Variants in MMRN1 observed in about 807,000 individuals in gnomAD.
MMRN1 encodes multimerin-1.
MMRN1 carries 94 observed loss-of-function variants against 100.7 expected under a neutral mutation model. The observed-to-expected ratio is 0.93, with a 90% CI of 0.79 to 1.11. The LOEUF (loss-of-function observed/expected upper bound fraction) is 1.11. Among genes scored for constraint, MMRN1 ranks in the 50% least tolerant of loss-of-function variants. MMRN1 has a pLI of 0.00. For missense variants in MMRN1, 1,606 were observed against 1,439.1 expected, an observed-to-expected ratio of 1.12 and a Z score of -1.88; for synonymous variants, 575 against 505.0, an observed-to-expected ratio of 1.14 and a Z score of -1.86.
chr4:89,930,767 A>ATCGAATT (rs1714263605), intron 5 of MMRN1, among the ~76,000 whole-genome samples: 1 of 152,046 alleles, frequency 6.6e-6, no homozygotes, highest in South Asian at 2.1e-4. Context: ...AAGACCAGAA[A>ATCGAATT]TCGAATTTTC....
upstream of MMRN1, among the ~76,000 whole-genome samples, chr4:89,891,070 G>A (rs1190844427): frequency 4.0e-5 from 6 of 151,666 alleles, no homozygotes; most frequent in African/African-American, 1.5e-4. Context: ...CCCAGTCTTT[G>A]GTTTATTATT....
upstream of MMRN1, among the ~76,000 whole-genome samples, chr4:89,892,754 T>C (rs968178081): frequency 6.6e-6 from 1 of 152,026 alleles, no homozygotes; most frequent in Non-Finnish European, 1.5e-5. Flanking sequence ...CTTAGCTTTG[T>C]TCAGTTTTTA....
chr4:89,929,666 A>G (rs1722375677), intron 5 of MMRN1, among the ~76,000 whole-genome samples: 1 of 152,076 alleles, frequency 6.6e-6, no homozygotes, highest in African/African-American at 2.4e-5. Flanking sequence ...AAAATCACAC[A>G]CTCACAGCAA....
intron 1 of MMRN1, among the ~76,000 whole-genome samples, chr4:89,905,709 A>G (rs888132437): frequency 6.6e-5 from 10 of 151,498 alleles, no homozygotes; most frequent in African/African-American, 2.4e-4. Context: ...ATGATGGGAA[A>G]CAAAGGTCAT....
At chr4:89,928,095 T>G (rs987620657) in intron 5 of MMRN1, 127 bp downstream of exon 5, 1 of 656,702 alleles carries the variant, frequency 1.5e-6, no homozygotes, top group East Asian at 3.1e-5. Context: ...AGAAAGATTT[T>G]TTTTAATGAG....
chr4:89,911,884 C>A, intron 2 of MMRN1, 60 bp from the exon 3 acceptor site: 2 of 1,160,908 alleles, frequency 1.7e-6, no homozygotes, highest in South Asian at 1.4e-5. Flanking sequence ...TTTATTATTC[C>A]GGCTGATAAT....
In MMRN1 at chr4:89,895,474, T is replaced by A; in HGVS notation, c.503T>A (p.Val168Asp). Residue 168 changes from valine to aspartate, a missense_variant, in exon 1 of 8, where the codon GTT becomes GAT. Val to Asp is a radical substitution (Grantham distance 152). Transcript: ENST00000264790. Reference sequence around the variant, plus strand: ...GGAGGCACTGGAGGCATTGGAGGCGTTGGAGGCACTGGAGGCGTGGGAAAT... The same window carrying A: ...GGAGGCACTGGAGGCATTGGAGGCGATGGAGGCACTGGAGGCGTGGGAAAT... ...TVGGTGGIGG[V>D]GGTGGVGNRA... The A allele has an allele frequency of 6.2e-7, 1 of 1,613,770 alleles. No individual in the cohort carries two copies. Among genetic ancestry groups the A allele is most frequent in the Non-Finnish European group, 8.5e-7 (1 of 1,179,898 alleles).
chr4:89,881,931 A>T (rs533747228), intron 1 of MMRN1, among the ~76,000 whole-genome samples: 2 of 152,092 alleles, frequency 1.3e-5, no homozygotes, highest in East Asian at 3.9e-4. Context: ...TTTCACTTTG[A>T]TCATAACACT....
chr4:89,936,673 T>A lies in MMRN1; in HGVS notation c.2993T>A (p.Val998Asp). ...TTGCCTGGTAGTCTGGCAAATGTTG[T>A]CAAGTCTCAGAAGCAAGTAAAATCA... ...RSLPGSLANV[V>D]KSQKQVKSLP... The change falls in exon 6 of 8, where the codon GTC becomes GAC. Residue 998 changes from valine to aspartate, a missense_variant. Coordinates refer to ENST00000264790, the MANE Select transcript of MMRN1 (RefSeq NM_007351.3). 1 of 1,613,590 alleles carries A rather than the reference T, an allele frequency of 6.2e-7. No homozygotes were observed. Among genetic ancestry groups the A allele is most frequent in the Non-Finnish European group, 8.5e-7 (1 of 1,179,662 alleles).
At chr4:89,944,771 G>C (rs1722936086) in intron 6 of MMRN1, among the ~76,000 whole-genome samples, 1 of 152,140 alleles carries the variant, frequency 6.6e-6, no homozygotes, top group Non-Finnish European at 1.5e-5. Flanking sequence ...AGACAACAAA[G>C]AAGGTGGGAT....
intron 3 of MMRN1, among the ~76,000 whole-genome samples, chr4:89,919,543 C>A (rs539386323): frequency 2.6e-5 from 4 of 151,392 alleles, no homozygotes; most frequent in Non-Finnish European, 5.9e-5. Flanking sequence ...ATTTTCATTC[C>A]AGAAATGTAA....
At chr4:89,892,393 G>C (rs990976253), upstream of MMRN1, among the ~76,000 whole-genome samples, 3 of 151,220 alleles carry the variant, frequency 2.0e-5, no homozygotes, top group African/African-American at 4.9e-5. Context: ...TAGTATAATA[G>C]TATCTAGAAG....
chr4:89,894,117 T>C (rs1180543765), upstream of MMRN1, among the ~76,000 whole-genome samples: 3 of 152,132 alleles, frequency 2.0e-5, no homozygotes, highest in African/African-American at 7.2e-5. Flanking sequence ...AGTAAAATAT[T>C]GGTTACCCCC....
chr4:89,952,441 T>C (rs1723209480), intron 7 of MMRN1, among the ~76,000 whole-genome samples: 1 of 152,322 alleles, frequency 6.6e-6, no homozygotes, highest in Admixed American at 6.5e-5. Context: ...GAAATGTAAA[T>C]TTTTTAGTCT....
intron 6 of MMRN1, among the ~76,000 whole-genome samples, chr4:89,945,525 T>C (rs565295731): frequency 7.2e-5 from 11 of 152,256 alleles, no homozygotes; most frequent in African/African-American, 2.6e-4. Flanking sequence ...AGTAGGTACA[T>C]AGTTATATCT....
chr4:89,931,778 C>T (rs1261540244), intron 5 of MMRN1, among the ~76,000 whole-genome samples: 2 of 152,136 alleles, frequency 1.3e-5, no homozygotes, highest in Non-Finnish European at 2.9e-5. Flanking sequence ...AAAAATCCCT[C>T]CCCATGATTC....
rs550388716 is a variant in MMRN1 at position 89,950,349 on chromosome 4, T to C, written c.3119-1256T>C. On this transcript the variant is annotated intron_variant, in intron 6 of 7. Transcript: ENST00000264790. ...TGGACAAGTATGTCTGGAGTATATA[T>C]ATACTGCCAGAAGAAATGTTTGGCT... is the stretch of plus-strand genomic sequence containing the variant. Among the ~76,000 whole-genome samples the C allele has an allele frequency of 5.3e-5, 8 of 152,284 alleles. No individual in the cohort carries two copies. The East Asian group carries it at 1.5e-3, about 29-fold the overall frequency.
intron 1 of MMRN1, among the ~76,000 whole-genome samples, chr4:89,883,203 A>G (rs1020678385): frequency 6.6e-6 from 1 of 152,070 alleles, no homozygotes; most frequent in African/African-American, 2.4e-5. Context: ...TGTTACGAAT[A>G]TTCTTGAACA....
At position 89,936,672 on chromosome 4, in the gene MMRN1, G is replaced by T; in HGVS notation, c.2992G>T (p.Val998Phe). Residue 998 changes from valine (V) to phenylalanine (F), a missense_variant, in exon 6 of 8, where the codon GTC becomes TTC. Transcript: ENST00000264790. ...RSLPGSLANV[V>F]KSQKQVKSLP... ...GTTGCCTGGTAGTCTGGCAAATGTTGTCAAGTCTCAGAAGCAAGTAAAATC... is the reference window on the plus strand; with the variant it reads ...GTTGCCTGGTAGTCTGGCAAATGTTTTCAAGTCTCAGAAGCAAGTAAAATC... 6.2e-7 allele frequency: 1 copy of T among 1,613,534 alleles called. No individual in the cohort carries two copies. Among genetic ancestry groups the T allele is most frequent in the Admixed American group, 1.7e-5 (1 of 59,960 alleles).
Sources: allele counts gnomAD v4.1 joint callset (sites outside exome capture counted in the v4.1 genomes callset), GRCh38; gene constraint gnomAD v4.1.1; transcripts MANE v1.5; gene names NCBI Gene and HGNC (gene_info 2026-07-23, HGNC 2026-07-21).